The following SLC26A7 variants were observed in gnomAD, a reference collection of about 807,000 sequenced individuals.
SLC26A7 encodes the protein solute carrier family 26 member 7.
Under a neutral mutation model 82.5 loss-of-function variants are expected in SLC26A7, and 59 were observed. The observed-to-expected ratio is 0.72, with a 90% CI of 0.58 to 0.89. The LOEUF is 0.89. Among genes scored for constraint, SLC26A7 ranks in the 40% least tolerant of loss-of-function variants. The pLI, the probability that SLC26A7 is intolerant of heterozygous loss-of-function variation, is 0.00. For synonymous variants in SLC26A7, 271 were observed against 274.3 expected (o/e 0.99, Z 0.12); for missense variants, 820 against 793.0 (o/e 1.03, Z -0.41).
intron 1 of SLC26A7, among the ~76,000 whole-genome samples, chr8:91,217,781 GT>G (rs1770614848): frequency 6.6e-6 from 1 of 152,160 alleles, no homozygotes. Context: ...TTCAGAACCT[GT>G]TTGCTGATTG....
chr8:91,396,440 A>G lies in SLC26A7; in HGVS notation c.*1343A>G, dbSNP rs1808575357. The G allele has an allele frequency of 6.6e-6, 1 of 152,024 alleles. No individual in the cohort carries two copies. The highest frequency in any genetic ancestry group is 1.5e-5 in the Non-Finnish European group (1 of 67,894). The allele number at this position is 152,024 out of a possible 1,614,324, so 9.4% of individuals were successfully genotyped here. A position where few individuals can be genotyped will look rare whatever the true frequency, so the allele number is the denominator to read the frequency against. ...TAGGTGCTTTCTCTGGCATCTATAAAAGTAAATTCTAGTGCCTGCCAAGTG... is the reference window on the plus strand; with the variant it reads ...TAGGTGCTTTCTCTGGCATCTATAAGAGTAAATTCTAGTGCCTGCCAAGTG... On this transcript the variant is annotated 3_prime_UTR_variant, in exon 19 of 19. Coordinates refer to ENST00000276609, the MANE Select transcript of SLC26A7 (RefSeq NM_052832.4).
chr8:91,322,463 C>G (rs540424293), intron 5 of SLC26A7, among the ~76,000 whole-genome samples: 1 of 151,968 alleles, frequency 6.6e-6, no homozygotes, highest in African/African-American at 2.4e-5. Flanking sequence ...AATATTTGAC[C>G]AGTAAGTTGG....
intron 2 of SLC26A7, among the ~76,000 whole-genome samples, chr8:91,273,942 A>G (rs1210195826): frequency 6.6e-6 from 1 of 152,218 alleles, no homozygotes; most frequent in Non-Finnish European, 1.5e-5. Flanking sequence ...ATGGAATTTA[A>G]TATGGATTTG....
chr8:91,273,764 C>T (rs1041139181), intron 2 of SLC26A7, among the ~76,000 whole-genome samples: 2 of 152,192 alleles, frequency 1.3e-5, no homozygotes, highest in African/African-American at 4.8e-5. Flanking sequence ...GTCTTATCTT[C>T]CGATAACACT....
intron 8 of SLC26A7, among the ~76,000 whole-genome samples, chr8:91,341,104 G>A (rs1025863182): frequency 3.6e-4 from 55 of 151,604 alleles, no homozygotes; most frequent in Admixed American, 7.2e-4. Context: ...GTCATCTAGC[G>A]TTAGGTATAT....
intron 5 of SLC26A7, among the ~76,000 whole-genome samples, chr8:91,320,598 A>G (rs566391366): frequency 2.0e-5 from 3 of 152,276 alleles, no homozygotes; most frequent in African/African-American, 7.2e-5. Context: ...GATATTGGGA[A>G]GTGTGCTTTG....
At chr8:91,280,982 C>G (rs1463572083) in intron 2 of SLC26A7, among the ~76,000 whole-genome samples, 3 of 152,162 alleles carry the variant, frequency 2.0e-5, no homozygotes, top group African/African-American at 7.2e-5. Context: ...CTCTTTCTGT[C>G]AATTTTGTTT....
chr8:91,362,653 G>T (rs75607062), intron 12 of SLC26A7, among the ~76,000 whole-genome samples, 194 bp downstream of exon 12: 4,774 of 152,010 alleles, frequency 0.031, 266 homozygotes, highest in African/African-American at 0.11. Context: ...ATTTAACAAT[G>T]CTGATCTTAA....
At chr8:91,261,757 A>G (rs963671446) in intron 2 of SLC26A7, among the ~76,000 whole-genome samples, 4 of 152,100 alleles carry the variant, frequency 2.6e-5, no homozygotes. Context: ...TGTCCCACTT[A>G]ATCAGCTGAG....
intron 11 of SLC26A7, among the ~76,000 whole-genome samples, chr8:91,354,903 C>CTT (rs771643923): frequency 5.8e-4 from 88 of 151,074 alleles, no homozygotes; most frequent in African/African-American, 2.1e-3. Flanking sequence ...TACCTTTAAT[C>CTT]TTTTTTTTTA....
At chr8:91,294,151 C>T (rs940142329) in intron 3 of SLC26A7, among the ~76,000 whole-genome samples, 1 of 152,182 alleles carries the variant, frequency 6.6e-6, no homozygotes, top group African/African-American at 2.4e-5. Flanking sequence ...GAAAAACATA[C>T]AATGATAGAC....
intron 4 of SLC26A7, among the ~76,000 whole-genome samples, chr8:91,298,894 G>A (rs921856619): frequency 6.6e-6 from 1 of 152,128 alleles, no homozygotes; most frequent in Non-Finnish European, 1.5e-5. Context: ...ATGTAGTTAT[G>A]TTAGACATTG....
At chr8:91,377,075 G>C (rs1563708621) in intron 15 of SLC26A7, among the ~76,000 whole-genome samples, 1 of 152,220 alleles carries the variant, frequency 6.6e-6, no homozygotes, top group Non-Finnish European at 1.5e-5. Flanking sequence ...GGCTGCTGCT[G>C]TTCTGTATAG....
rs192154012 is a variant in SLC26A7, at chr8:91,212,869, A to C, written c.-150+3327A>C. Among the ~76,000 whole-genome samples, 1,458 of 152,050 alleles carry C rather than the reference A, an allele frequency of 9.6e-3. 11 individuals carry two copies. Among genetic ancestry groups the C allele is most frequent in the Non-Finnish European group, 0.016 (1,113 of 67,834 alleles). On this transcript the variant is annotated intron_variant, in intron 1 of 5. Coordinates refer to the SLC26A7 transcript ENST00000522862. Reference sequence around the variant, plus strand: ...ATATATTTCTTATTGTTTTATTCCAAAAATAACAAAACAATTAGAGTATAA... The same window carrying C: ...ATATATTTCTTATTGTTTTATTCCACAAATAACAAAACAATTAGAGTATAA...
At chr8:91,252,111 A>G (rs1475275004) in intron 2 of SLC26A7, among the ~76,000 whole-genome samples, 1 of 152,154 alleles carries the variant, frequency 6.6e-6, no homozygotes, top group African/African-American at 2.4e-5. Flanking sequence ...ATCATAACGC[A>G]AACAATAGGC....
In SLC26A7 at chr8:91,249,594, T is replaced by G; in HGVS notation, c.-58T>G. On this transcript the variant is annotated 5_prime_UTR_variant, in exon 2 of 19. Transcript: ENST00000276609. Reference sequence around the variant, plus strand: ...AGCTTGGCATTGAAAGGAGGTGTTCTGCAATGATTTTTTTTCTTGTTTAGA... The same window carrying G: ...AGCTTGGCATTGAAAGGAGGTGTTCGGCAATGATTTTTTTTCTTGTTTAGA... The G allele has an allele frequency of 2.1e-6, 3 of 1,406,788 alleles. No homozygotes were observed. Among genetic ancestry groups the G allele is most frequent in the Non-Finnish European group, 2.8e-6 (3 of 1,062,654 alleles). 87.1% of individuals were successfully genotyped at this position (1,406,788 alleles called of 1,614,324 possible). A position where few individuals can be genotyped will look rare whatever the true frequency, so the allele number is the denominator to read the frequency against.
intron 5 of SLC26A7, among the ~76,000 whole-genome samples, chr8:91,318,931 A>G (rs1458252179): frequency 6.6e-6 from 1 of 152,250 alleles, no homozygotes; most frequent in Non-Finnish European, 1.5e-5. Flanking sequence ...CCTAAAATCT[A>G]TAACCGCTCA....
At chr8:91,376,316 C>A (rs903674201) in intron 15 of SLC26A7, among the ~76,000 whole-genome samples, 1 of 152,174 alleles carries the variant, frequency 6.6e-6, no homozygotes, top group Non-Finnish European at 1.5e-5. Flanking sequence ...TGCAGTAGTT[C>A]TTTCACTGAT....
intron 2 of SLC26A7, among the ~76,000 whole-genome samples, chr8:91,279,151 ATATATATATATATATG>A (rs1353679421): frequency 2.7e-4 from 29 of 107,294 alleles, no homozygotes; most frequent in African/African-American, 1.1e-3. Flanking sequence ...ATATATATAT[ATATATATATATATATG>A]TATCACATTT....
Sources: allele counts gnomAD v4.1 joint callset (sites outside exome capture counted in the v4.1 genomes callset), GRCh38; gene constraint gnomAD v4.1.1; transcripts MANE v1.5; gene names NCBI Gene and HGNC (gene_info 2026-07-23, HGNC 2026-07-21).